TTC34: variants seen among roughly 807,000 people sequenced by gnomAD.
TTC34 encodes tetratricopeptide repeat protein 34.
TTC34 carries 44 observed loss-of-function variants against 40.7 expected under a neutral mutation model. The observed-to-expected ratio is 1.08, with a 90% CI of 0.85 to 1.39. The LOEUF (loss-of-function observed/expected upper bound fraction) is 1.39. Among genes scored for constraint, TTC34 ranks in the 40% most tolerant of loss-of-function variants. The pLI is 0.00. For missense variants in TTC34, 884 were observed against 838.0 expected, an observed-to-expected ratio of 1.05 and a Z score of -0.68; for synonymous variants, 422 against 398.6, an observed-to-expected ratio of 1.06 and a Z score of -0.70.
chr1:2,680,658 A>G (rs1640032263), intron 6 of TTC34, among the ~76,000 whole-genome samples: 4 of 117,620 alleles, frequency 3.4e-5, no homozygotes, highest in Admixed American at 8.7e-5. Context: ...AGCAGCACCC[A>G]CACCCCCAGG....
At chr1:2,692,116 C>T (rs1640648085) in intron 6 of TTC34, among the ~76,000 whole-genome samples, 2 of 121,378 alleles carry the variant, frequency 1.6e-5, no homozygotes, top group South Asian at 2.8e-4. Flanking sequence ...CCCAGGCGAG[C>T]ATCTGACAGC....
rs867617550 is a variant in TTC34 at position 2,677,925 on chromosome 1, C to G, written c.2227-32362G>C. ...GAGCATCTGACAGCCTGGAGCAGCACCCTGCACCCCCAGGTGAGCATCCGA... is the reference window on the plus strand; with the variant it reads ...GAGCATCTGACAGCCTGGAGCAGCAGCCTGCACCCCCAGGTGAGCATCCGA... On this transcript the variant is annotated intron_variant, in intron 6 of 8. Coordinates refer to ENST00000401095, the Ensembl canonical transcript of TTC34. Among the ~76,000 whole-genome samples the G allele has an allele frequency of 4.5e-4, 16 of 35,204 alleles. 2 individuals are homozygous for G. Among genetic ancestry groups the G allele is most frequent in the East Asian group, 2.4e-3 (1 of 422 alleles). 23.1% of individuals were successfully genotyped at this position (35,204 alleles called of 152,430 possible).
chr1:2,699,491 C>T (rs565861208), intron 6 of TTC34, among the ~76,000 whole-genome samples: 1 of 131,360 alleles, frequency 7.6e-6, no homozygotes, highest in East Asian at 2.4e-4. Context: ...GCAGCACCCA[C>T]ACACCCAGGC....
At chr1:2,775,398 T>G (rs1316367162) in intron 6 of TTC34, 18 of 135,704 alleles carry the variant, frequency 1.3e-4, no homozygotes, top group East Asian at 4.6e-4. Context: ...GCACCCCCAG[T>G]TGAGCATCTG....
chr1:2,699,255 AG>A, intron 6 of TTC34, among the ~76,000 whole-genome samples: 1 of 149,902 alleles, frequency 6.7e-6, no homozygotes, highest in Admixed American at 6.6e-5. Context: ...CCATACCCCA[AG>A]GCGAGCATCT....
intron 6 of TTC34, among the ~76,000 whole-genome samples, chr1:2,765,778 C>G (rs1641771522): frequency 5.3e-4 from 16 of 29,914 alleles, no homozygotes; most frequent in Admixed American, 7.2e-4. Context: ...ATGTGACAGC[C>G]TGGAGCAGCG....
chr1:2,694,791 C>T (rs1295124042), intron 6 of TTC34, among the ~76,000 whole-genome samples: 8 of 78,840 alleles, frequency 1.0e-4, no homozygotes, highest in Non-Finnish European at 2.2e-4. Flanking sequence ...AGCACCCACA[C>T]ACCCAGGCGA....
intron 6 of TTC34, among the ~76,000 whole-genome samples, chr1:2,686,700 A>T (rs907216618): frequency 2.0e-5 from 1 of 49,676 alleles, no homozygotes; most frequent in Non-Finnish European, 3.8e-5. Context: ...TGCGCACGTG[A>T]CAGCCTGGAA....
At chr1:2,644,511 TG>T (rs764538441) in intron 7 of TTC34, 33 bp from the exon 8 acceptor site, 1 of 1,521,660 alleles carries the variant, frequency 6.6e-7, no homozygotes, top group Non-Finnish European at 8.8e-7. Context: ...AGTCAGTGTG[TG>T]GGGTTGGGCA....
intron 6 of TTC34, among the ~76,000 whole-genome samples, chr1:2,762,045 C>G (rs1340274147): frequency 1.8e-5 from 1 of 55,480 alleles, no homozygotes; most frequent in African/African-American, 1.8e-4. Flanking sequence ...GGAGCAGCGC[C>G]CACACCCCCG....
intron 6 of TTC34, among the ~76,000 whole-genome samples, chr1:2,686,381 G>A (rs1640347651): frequency 2.0e-5 from 3 of 150,296 alleles, no homozygotes; most frequent in Non-Finnish European, 4.4e-5. Flanking sequence ...GCATGTGATG[G>A]TCTGGAGCAG....
intron 6 of TTC34, among the ~76,000 whole-genome samples, chr1:2,683,193 A>C (rs1476767782): frequency 4.2e-5 from 4 of 95,344 alleles, no homozygotes; most frequent in South Asian, 3.8e-4. Context: ...ACCCACGGCC[A>C]CAGGCGAGCA....
chr1:2,752,087 C>A lies in TTC34; in HGVS notation c.2226+31522G>T, dbSNP rs1453020493. 1.8e-5 allele frequency among the ~76,000 whole-genome samples: 2 copies of A among 111,106 alleles called. 1 individual carries two copies. The highest frequency in any genetic ancestry group is 3.5e-5 in the Non-Finnish European group (2 of 56,710). 72.9% of individuals were successfully genotyped at this position (111,106 alleles called of 152,430 possible). A position where few individuals can be genotyped will look rare whatever the true frequency, so the allele number is the denominator to read the frequency against. On this transcript the variant is annotated intron_variant, in intron 6 of 8. Transcript: ENST00000401095. ...ATCTGAACGCACGGAGCAGCACCCA[C>A]ACCTTCAGGCGAGCATCGGACAGCC...
chr1:2,694,837 G>T lies in TTC34; in HGVS notation c.2227-49274C>A, dbSNP rs1362323833. On this transcript the variant is annotated intron_variant, in intron 6 of 8. Transcript: ENST00000401095. Reference sequence around the variant, plus strand: ...GCCTGGAACGACACCCACACCCCCAGGTGAGCATCTGATGGTCTGGAGCAG... The same window carrying T: ...GCCTGGAACGACACCCACACCCCCATGTGAGCATCTGATGGTCTGGAGCAG... 4.3e-5 allele frequency among the ~76,000 whole-genome samples: 4 copies of T among 92,458 alleles called. 2 individuals carry two copies. The highest frequency in any genetic ancestry group is 1.4e-4 in the African/African-American group (4 of 27,794). 60.7% of individuals were successfully genotyped at this position (92,458 alleles called of 152,430 possible). A position where few individuals can be genotyped will look rare whatever the true frequency, so the allele number is the denominator to read the frequency against.
At chr1:2,638,713 G>C (rs867702888) in exon 9 of TTC34, 4 of 152,458 alleles carry the variant, frequency 2.6e-5, no homozygotes, top group Middle Eastern at 6.8e-3. Context: ...ATGCCTTAAG[G>C]GCTGCTGGTT....
In TTC34 at chr1:2,768,025, C is replaced by G. The variant is rs11578342; in HGVS notation, c.2226+15584G>C. 5.0e-3 allele frequency among the ~76,000 whole-genome samples: 736 copies of G among 148,598 alleles called. 5 individuals are homozygous for G. Among genetic ancestry groups the G allele is most frequent in the African/African-American group, 0.013 (538 of 40,718 alleles). The stretch of plus-strand genomic sequence containing the variant: ...GTCCCCTCAGGTGAGCATCTGACAG[C>G]ATAAAACAGCACCCCACAACCCCAG... On this transcript the variant is annotated intron_variant, in intron 6 of 8. Coordinates refer to ENST00000401095, the Ensembl canonical transcript of TTC34.
At chr1:2,752,618 G>C (rs1439157959) in intron 6 of TTC34, among the ~76,000 whole-genome samples, 1 of 116,650 alleles carries the variant, frequency 8.6e-6, no homozygotes, top group Non-Finnish European at 1.7e-5. Flanking sequence ...AACACCCCCA[G>C]GCGAGCATCT....
chr1:2,684,461 G>GGAA (rs1640226154), intron 6 of TTC34, among the ~76,000 whole-genome samples: 2 of 144,924 alleles, frequency 1.4e-5, no homozygotes, highest in African/African-American at 2.6e-5. Context: ...CTGACGGCCT[G>GGAA]CAACAGCACC....
chr1:2,647,314 A>AT (rs1320090938), intron 6 of TTC34, among the ~76,000 whole-genome samples: 1 of 152,000 alleles, frequency 6.6e-6, no homozygotes, highest in Admixed American at 6.6e-5. Flanking sequence ...TTCTTCATTT[A>AT]TTTTTTTAAT....
Sources: allele counts gnomAD v4.1 joint callset (sites outside exome capture counted in the v4.1 genomes callset), GRCh38; gene constraint gnomAD v4.1.1; transcripts MANE v1.5; gene names NCBI Gene and HGNC (gene_info 2026-07-23, HGNC 2026-07-21).